TENM2: variants seen among roughly 807,000 people sequenced by gnomAD.
TENM2 encodes the protein teneurin-2.
In TENM2, 52 loss-of-function variants were observed where a neutral mutation model predicts 245.2. The observed-to-expected ratio is 0.21, with a 90% CI of 0.17 to 0.27. The LOEUF is 0.27. Ranked by LOEUF, TENM2 falls within the 10% of genes least tolerant of loss-of-function variation. TENM2 has a pLI of 1.00. For synonymous variants in TENM2, 1,363 were observed against 1,438.9 expected, an observed-to-expected ratio of 0.95 and a Z score of 1.19; for missense variants, 3,046 against 3,666.8, an observed-to-expected ratio of 0.83 and a Z score of 4.37.
chr5:168,215,081 T>C lies in TENM2; in HGVS notation c.3887T>C (p.Val1296Ala), dbSNP rs1289072155. The change falls in exon 21 of 29, where the codon GTG becomes GCG. Residue 1296 changes from valine to alanine, a missense_variant. Val to Ala is a moderately conservative substitution (Grantham distance 64, BLOSUM62 0). Around this residue, in one of 2 missense-constraint regions of TENM2, gnomAD observed 2,704 missense variants for 3,331.9 expected, o/e 0.81. Transcript: ENST00000518659. The stretch of plus-strand genomic sequence containing the variant: ...AAGTACTACTTGGCAGTGGACCCCG[T>C]GTCCGGCTCGCTCTACGTGTCCGAC... The C allele has an allele frequency of 6.2e-7, 1 of 1,613,838 alleles. No homozygotes were observed. Among genetic ancestry groups the C allele is most frequent in the Admixed American group, 1.7e-5 (1 of 60,002 alleles).
chr5:167,522,315 T>C (rs1237220020), intron 2 of TENM2, among the ~76,000 whole-genome samples: 2 of 152,134 alleles, frequency 1.3e-5, no homozygotes, highest in Non-Finnish European at 2.9e-5. Context: ...GGCACTTTAT[T>C]AAATGGAACT....
At chr5:168,051,865 A>G (rs996966142) in intron 6 of TENM2, among the ~76,000 whole-genome samples, 3 of 152,228 alleles carry the variant, frequency 2.0e-5, no homozygotes, top group African/African-American at 7.2e-5. Context: ...ATGATCCACG[A>G]GTCTTAGTTG....
In TENM2 at chr5:168,181,422, T is replaced by C. The variant is rs750621227; in HGVS notation, c.2570-8915T>C. Among the ~76,000 whole-genome samples the C allele has an allele frequency of 2.2e-4, 33 of 152,348 alleles. No individual in the cohort carries two copies. The Middle Eastern group carries it at 0.01, about 47-fold the overall frequency. ...ATTTTCTTAAGCAGCCCGTGCTTTT[T>C]TTCCCACATCCATCCTAAAGAGTAG... On this transcript the variant is annotated intron_variant, in intron 13 of 28. Transcript: ENST00000518659.
chr5:167,873,939 G>T (rs1245576773), intron 2 of TENM2, among the ~76,000 whole-genome samples: 1 of 152,070 alleles, frequency 6.6e-6, no homozygotes, highest in Non-Finnish European at 1.5e-5. Flanking sequence ...TAACATTTAA[G>T]CTTTAAGAGT....
intron 1 of TENM2, among the ~76,000 whole-genome samples, chr5:167,369,419 T>C (rs1760268094): frequency 6.6e-6 from 1 of 151,640 alleles, no homozygotes; most frequent in African/African-American, 2.4e-5. Context: ...TTCTGTTAGA[T>C]TTTCGTTATT....
At chr5:167,325,835 T>C (rs962824221) in intron 1 of TENM2, among the ~76,000 whole-genome samples, 4 of 152,202 alleles carry the variant, frequency 2.6e-5, no homozygotes, top group Admixed American at 2.6e-4. Context: ...GCCCTGAACT[T>C]ATAGTCTATA....
chr5:167,194,197 A>C, the TENM2 span, among the ~76,000 whole-genome samples: 1 of 152,064 alleles, frequency 6.6e-6, no homozygotes, highest in Non-Finnish European at 1.5e-5. Flanking sequence ...TATCACGAGA[A>C]AAATCACTTC....
intron 2 of TENM2, among the ~76,000 whole-genome samples, chr5:167,872,326 GAAA>G (rs1772921598): frequency 1.1e-4 from 10 of 88,196 alleles, no homozygotes; most frequent in African/African-American, 2.1e-4. Flanking sequence ...AAGAAAGAAA[GAAA>G]GAAAGAAAGA....
chr5:167,349,855 A>G (rs1468047348), intron 1 of TENM2, among the ~76,000 whole-genome samples: 1 of 152,190 alleles, frequency 6.6e-6, no homozygotes, highest in African/African-American at 2.4e-5. Flanking sequence ...CTCATCAAAA[A>G]TTGCTGTATT....
the TENM2 span, among the ~76,000 whole-genome samples, chr5:167,150,053 T>C: frequency 6.6e-6 from 1 of 152,090 alleles, no homozygotes; most frequent in African/African-American, 2.4e-5. Flanking sequence ...TATTATAAAG[T>C]AAATAGTCTC....
At chr5:168,149,414 A>C (rs1756440786) in intron 12 of TENM2, 1 of 457,088 alleles carries the variant, frequency 2.2e-6, no homozygotes, top group African/African-American at 2.0e-5. Context: ...GGTTTGCTGC[A>C]TCAACAGGGG....
chr5:168,165,491 C>T (rs149487095), intron 13 of TENM2, among the ~76,000 whole-genome samples: 1 of 152,200 alleles, frequency 6.6e-6, no homozygotes, highest in Non-Finnish European at 1.5e-5. Flanking sequence ...CCCCAGCATA[C>T]CCTGCCTTAC....
intron 2 of TENM2, among the ~76,000 whole-genome samples, chr5:167,687,279 A>G (rs751915767): frequency 3.3e-5 from 5 of 152,204 alleles, no homozygotes; most frequent in Non-Finnish European, 7.3e-5. Context: ...TAGAGAATAT[A>G]TACGTATATG....
chr5:167,628,945 C>T (rs1382527915), intron 2 of TENM2, among the ~76,000 whole-genome samples: 1 of 152,068 alleles, frequency 6.6e-6, no homozygotes, highest in African/African-American at 2.4e-5. Context: ...GAAGCTTGTC[C>T]CTTTGGCCAC....
intron 5 of TENM2, among the ~76,000 whole-genome samples, chr5:167,994,563 C>T (rs1562027623): frequency 2.0e-5 from 3 of 152,240 alleles, no homozygotes; most frequent in Non-Finnish European, 4.4e-5. Flanking sequence ...ATAAATTTTT[C>T]AGCTTCTTCC....
At chr5:167,559,156 C>T (rs919400742) in intron 2 of TENM2, among the ~76,000 whole-genome samples, 2 of 152,232 alleles carry the variant, frequency 1.3e-5, no homozygotes, top group Non-Finnish European at 2.9e-5. Flanking sequence ...AGACCTCCCA[C>T]TTCATATCTG....
chr5:168,194,059 C>G (rs527279771), intron 14 of TENM2, among the ~76,000 whole-genome samples: 3 of 152,196 alleles, frequency 2.0e-5, no homozygotes, highest in Admixed American at 2.0e-4. Flanking sequence ...TTCAGGACAC[C>G]CAGGAATGCA....
chr5:167,163,969 A>G, the TENM2 span, among the ~76,000 whole-genome samples: 1 of 152,152 alleles, frequency 6.6e-6, no homozygotes, highest in Non-Finnish European at 1.5e-5. Context: ...CTACCAAGAA[A>G]TTCCAGGGTT....
At chr5:167,846,508 G>A (rs564511897) in intron 2 of TENM2, among the ~76,000 whole-genome samples, 28 of 152,308 alleles carry the variant, frequency 1.8e-4, no homozygotes, top group African/African-American at 6.7e-4. Flanking sequence ...TCCCCAGGAA[G>A]CCTAGAAGTG....
Sources: allele counts gnomAD v4.1 joint callset (sites outside exome capture counted in the v4.1 genomes callset), GRCh38; gene constraint gnomAD v4.1.1; regional missense constraint gnomAD v4.1.1; transcripts MANE v1.5; gene names NCBI Gene and HGNC (gene_info 2026-07-23, HGNC 2026-07-21).